The following TGFB1 variants were observed in gnomAD, a reference collection of about 807,000 sequenced individuals.
TGFB1 encodes the protein transforming growth factor beta-1 proprotein.
TGFB1 carries 19 observed loss-of-function variants against 43.8 expected under a neutral mutation model. The observed-to-expected ratio is 0.43, with a 90% CI of 0.30 to 0.64. The LOEUF is 0.64. Ranked by LOEUF, TGFB1 falls within the 30% of genes least tolerant of loss-of-function variation. The pLI is 0.11. For synonymous variants in TGFB1, 221 were observed against 236.3 expected (o/e 0.94, Z 0.60); for missense variants, 445 against 529.8 (o/e 0.84, Z 1.57).
chr19:41,331,284 C>A lies in TGFB1; in HGVS notation c.1015-74G>T, dbSNP rs958640694. ...AACGGCCCTCCACTGCCCCATCCCC[C>A]ACCCGCTACCGCGCCAGCCTCTCTC... is the stretch of plus-strand genomic sequence containing the variant. On this transcript the variant is annotated intron_variant, in intron 6 of 6. Transcript: ENST00000221930. 7 of 1,421,722 alleles carry A rather than the reference C, an allele frequency of 4.9e-6. No homozygotes were observed. The African/African-American group carries it at 8.9e-5, about 18-fold the overall frequency. 88.1% of individuals were successfully genotyped at this position (1,421,722 alleles called of 1,614,324 possible). A position where few individuals can be genotyped will look rare whatever the true frequency, so the allele number is the denominator to read the frequency against.
At chr19:41,344,636 A>T in intron 3 of TGFB1, 111 bp downstream of exon 3, 1 of 972,240 alleles carries the variant, frequency 1.0e-6, no homozygotes, top group Non-Finnish European at 1.6e-6. Flanking sequence ...AGGTCTCAGC[A>T]CTTTCACACC....
At chr19:41,334,502 C>T (rs999633002) in intron 5 of TGFB1, among the ~76,000 whole-genome samples, 1 of 141,942 alleles carries the variant, frequency 7.0e-6, no homozygotes, top group African/African-American at 2.6e-5. Context: ...AATCTTGGCT[C>T]ACTGCAACCT....
intron 1 of TGFB1, among the ~76,000 whole-genome samples, chr19:41,350,573 G>C (rs2038176953): frequency 6.6e-6 from 1 of 152,156 alleles, no homozygotes; most frequent in South Asian, 2.1e-4. Context: ...CTCCCAAAGT[G>C]CTGGGATTAC....
chr19:41,335,387 C>T (rs1005930066), intron 5 of TGFB1, among the ~76,000 whole-genome samples: 1 of 152,108 alleles, frequency 6.6e-6, no homozygotes, highest in Non-Finnish European at 1.5e-5. Flanking sequence ...TCAACCCTAG[C>T]TGGGGTTCTG....
At position 41,353,003 on chromosome 19, in the gene TGFB1, C is replaced by T. The variant is rs1291834090; in HGVS notation, c.42G>A (p.Pro14=). 6.5e-7 allele frequency: 1 copy of T among 1,536,144 alleles called. No individual in the cohort carries two copies. The highest frequency in any genetic ancestry group is 8.7e-7 in the Non-Finnish European group (1 of 1,145,056). Reference sequence around the variant, plus strand: ...GCGTCAGCACCAGTAGCCACAGCAGCGGTAGCAGCAGCGGCAGCAGCCGCA... The same window carrying T: ...GCGTCAGCACCAGTAGCCACAGCAGTGGTAGCAGCAGCGGCAGCAGCCGCA... ...SGLRLLPLLL[P]LLWLLVLTPG... The change falls in exon 1 of 7, where the codon CCG becomes CCA. Residue 14 remains proline, a synonymous_variant. Coordinates refer to ENST00000221930, the MANE Select transcript of TGFB1 (RefSeq NM_000660.7). This position sits in a 1 kb window ranked among gnomAD's most constrained non-coding sequence, Gnocchi z 5.9.
intron 1 of TGFB1, among the ~76,000 whole-genome samples, chr19:41,352,408 C>T (rs1483522528): frequency 6.7e-6 from 1 of 148,666 alleles, no homozygotes; most frequent in Non-Finnish European, 1.5e-5. Flanking sequence ...TTGCTTGTCT[C>T]CCTCTAGGGG....
intron 5 of TGFB1, among the ~76,000 whole-genome samples, chr19:41,336,739 A>G (rs1157357474): frequency 6.6e-6 from 1 of 152,174 alleles, no homozygotes; most frequent in Non-Finnish European, 1.5e-5. Context: ...TGCTTCATCC[A>G]TAAATATTTC....
rs769782160 is a variant in TGFB1, at chr19:41,332,275, C to A, written c.867G>T (p.Thr289=). Residue 289 remains threonine (T), a synonymous_variant, in exon 6 of 7, where the codon ACG becomes ACT. Coordinates refer to ENST00000221930, the MANE Select transcript of TGFB1 (RefSeq NM_000660.7). ...ALDTNYCFSS[T]EKNCCVRQLY... ...GCTGCCGCACGCAGCAGTTCTTCTC[C>A]GTGGAGCTGCAGGCAGGAGAGACGC... is the stretch of plus-strand genomic sequence containing the variant. 5.0e-6 allele frequency: 8 copies of A among 1,613,768 alleles called. No individual in the cohort carries two copies. Among genetic ancestry groups the A allele is most frequent in the Non-Finnish European group, 6.8e-6 (8 of 1,179,824 alleles).
intron 1 of TGFB1, among the ~76,000 whole-genome samples, chr19:41,349,195 G>T (rs1393563730): frequency 6.6e-6 from 1 of 152,064 alleles, no homozygotes. Flanking sequence ...TGTGACCATG[G>T]GCAGTTAACA....
At chr19:41,341,860 T>A in intron 5 of TGFB1, 23 bp downstream of exon 5, 1 of 1,612,470 alleles carries the variant, frequency 6.2e-7, no homozygotes, top group Non-Finnish European at 8.5e-7. Flanking sequence ...CTGGAAGGCC[T>A]CCATCCAGGC....
At chr19:41,345,478 C>G (rs1233905933) in intron 2 of TGFB1, among the ~76,000 whole-genome samples, 4 of 152,152 alleles carry the variant, frequency 2.6e-5, no homozygotes, top group Non-Finnish European at 5.9e-5. Context: ...GCCTGGGCGA[C>G]AGGACGAGAC....
chr19:41,348,252 C>T (rs774381255), intron 2 of TGFB1, 43 bp downstream of exon 2: 1 of 1,608,604 alleles, frequency 6.2e-7, no homozygotes, highest in South Asian at 1.1e-5. Context: ...AGCTCACCCT[C>T]TCCAGCCCAT....
At chr19:41,342,551 GT>G (rs1327973079) in intron 3 of TGFB1, among the ~76,000 whole-genome samples, 3 of 145,344 alleles carry the variant, frequency 2.1e-5, no homozygotes, top group Admixed American at 6.9e-5. Context: ...GTCTGGCTCT[GT>G]TGCCCAGGCT....
chr19:41,352,343 A>ACCCCCCCCCCCCC (rs11307639), intron 1 of TGFB1, among the ~76,000 whole-genome samples: 2 of 83,504 alleles, frequency 2.4e-5, no homozygotes, highest in African/African-American at 4.9e-5. Context: ...GCACCCCACG[A>ACCCCCCCCCCCCC]CCCCCCCCCC....
Position 41,352,857 on chromosome 19 carries a change from G to A in TGFB1, c.188C>T (p.Pro63Leu). The A allele has an allele frequency of 2.6e-6, 4 of 1,568,258 alleles. No individual in the cohort carries two copies. Among genetic ancestry groups the A allele is most frequent in the Non-Finnish European group, 3.5e-6 (4 of 1,158,414 alleles). The change falls in exon 1 of 7, where the codon CCG (proline) becomes CTG (leucine). Residue 63 changes from proline to leucine, a missense_variant. Transcript: ENST00000221930. ...ILSKLRLASP[P>L]SQGEVPPGPL... is the part of the protein sequence containing the mutation. ...GCCGGGCGGCACCTCCCCCTGGCTC[G>A]GGGGGCTGGCGAGCCGCAGCTTGGA...
intron 6 of TGFB1, among the ~76,000 whole-genome samples, chr19:41,331,727 A>G (rs1017807148): frequency 2.6e-5 from 4 of 151,238 alleles, no homozygotes; most frequent in Non-Finnish European, 4.4e-5. Flanking sequence ...TTTCTTTCTC[A>G]GTCTCTGTCC....
intron 1 of TGFB1, among the ~76,000 whole-genome samples, 168 bp from the exon 2 acceptor site, chr19:41,348,623 GA>G (rs921365587): frequency 1.4e-5 from 2 of 142,184 alleles, no homozygotes; most frequent in Non-Finnish European, 3.0e-5. Context: ...TTATTTAAAT[GA>G]ATTTTTTTTT....
chr19:41,340,240 A>T (rs1244098222), intron 5 of TGFB1, among the ~76,000 whole-genome samples: 1 of 142,110 alleles, frequency 7.0e-6, no homozygotes, highest in Non-Finnish European at 1.5e-5. Flanking sequence ...GTTCAAACTG[A>T]CACTTTCTTT....
At chr19:41,332,022 C>T in intron 6 of TGFB1, 106 bp downstream of exon 6, 1 of 1,449,584 alleles carries the variant, frequency 6.9e-7, no homozygotes, top group South Asian at 1.3e-5. Flanking sequence ...TCTCTTTCTC[C>T]CCATCCTGCC....
Sources: gnomAD v4.1 joint callset for allele counts (sites outside exome capture counted in the v4.1 genomes callset) on GRCh38, gnomAD v4.1.1 for gene constraint, Gnocchi (gnomAD v3.1) non-coding constraint, MANE v1.5 for transcripts, NCBI Gene and HGNC (gene_info 2026-07-23, HGNC 2026-07-21) for gene names.